The following HS2ST1 variants were observed in gnomAD, a reference collection of about 807,000 sequenced individuals.
HS2ST1 encodes the protein 2-O-sulfotransferase.
HS2ST1 carries 18 observed loss-of-function variants against 42.9 expected under a neutral mutation model. The observed-to-expected ratio is 0.42, with a 90% confidence interval of 0.29 to 0.62. The LOEUF is 0.62. HS2ST1 is among the 20% of genes least tolerant of loss of function. The pLI, the probability that HS2ST1 is intolerant of heterozygous loss-of-function variation, is 0.21. For missense variants in HS2ST1, 334 were observed against 433.8 expected, an observed-to-expected ratio of 0.77 and a Z score of 2.04; for synonymous variants, 146 against 152.9, an observed-to-expected ratio of 0.95 and a Z score of 0.33.
At chr1:87,097,217 C>T (rs1365018270) in intron 4 of HS2ST1, among the ~76,000 whole-genome samples, 1 of 152,156 alleles carries the variant, frequency 6.6e-6, no homozygotes, top group Non-Finnish European at 1.5e-5. Context: ...AATGCTACTT[C>T]AGGAAGTTTT....
At chr1:86,997,008 C>T (rs931314835) in intron 1 of HS2ST1, among the ~76,000 whole-genome samples, 3 of 152,078 alleles carry the variant, frequency 2.0e-5, no homozygotes, top group African/African-American at 7.2e-5. Flanking sequence ...GGAGAGCAGC[C>T]GGTGTAGGTT....
chr1:87,056,599 T>C (rs1001878764), intron 1 of HS2ST1, among the ~76,000 whole-genome samples: 1 of 152,206 alleles, frequency 6.6e-6, no homozygotes, highest in African/African-American at 2.4e-5. Flanking sequence ...TAGTTGCCAA[T>C]TATAAAATTC....
intron 1 of HS2ST1, among the ~76,000 whole-genome samples, chr1:86,921,755 C>T (rs1437117554): frequency 6.6e-6 from 1 of 152,150 alleles, no homozygotes; most frequent in Non-Finnish European, 1.5e-5. Context: ...TTTCTGTTTT[C>T]TATAAATTAC....
Position 87,090,402 on chromosome 1 carries a change from TGC to T in HS2ST1, c.450-2128_450-2127del, listed in dbSNP as rs574251625. ...AAAAAACTGTGAAAGAAAATTTTAC[TGC>T]ACTATTGGTACTATGCCTACCCTCA... On this transcript the variant is annotated intron_variant, in intron 3 of 6. Transcript: ENST00000370550. Among the ~76,000 whole-genome samples, 37 of 152,180 alleles carry T rather than the reference TGC, an allele frequency of 2.4e-4. No homozygotes were observed. In the East Asian group the frequency reaches 7.0e-3, roughly 29 times the overall value.
chr1:86,996,598 T>C (rs1045896176), intron 1 of HS2ST1, among the ~76,000 whole-genome samples: 1 of 152,148 alleles, frequency 6.6e-6, no homozygotes, highest in African/African-American at 2.4e-5. Context: ...ATGAGACATA[T>C]TATCCTAGAC....
At chr1:87,004,126 G>A (rs909028299) in intron 1 of HS2ST1, among the ~76,000 whole-genome samples, 3 of 152,096 alleles carry the variant, frequency 2.0e-5, no homozygotes, top group African/African-American at 7.2e-5. Context: ...CGTGGTGGCT[G>A]ACACCTGTAA....
intron 1 of HS2ST1, among the ~76,000 whole-genome samples, chr1:86,924,399 G>C (rs1301067188): frequency 6.6e-6 from 1 of 152,224 alleles, no homozygotes; most frequent in Admixed American, 6.5e-5. Context: ...TCTTCTCACA[G>C]CGCCACTAGG....
intron 5 of HS2ST1, among the ~76,000 whole-genome samples, chr1:87,101,149 G>GTGTGTGT (rs1557546421): frequency 1.2e-4 from 7 of 59,540 alleles, no homozygotes; most frequent in African/African-American, 3.9e-4. Flanking sequence ...GTGTGTGTGT[G>GTGTGTGT]TTTTTTGTTT....
chr1:86,995,198 A>G (rs1649062619), intron 1 of HS2ST1, among the ~76,000 whole-genome samples: 2 of 152,206 alleles, frequency 1.3e-5, no homozygotes, highest in African/African-American at 4.8e-5. Flanking sequence ...ACTTGATTTT[A>G]TAATTGACCT....
chr1:87,072,562 C>T (rs1345803662), intron 1 of HS2ST1, among the ~76,000 whole-genome samples: 1 of 152,162 alleles, frequency 6.6e-6, no homozygotes, highest in Non-Finnish European at 1.5e-5. Flanking sequence ...GACTTTTGAA[C>T]TGCACTGAAG....
chr1:86,931,333 A>G (rs1221303142), intron 1 of HS2ST1, among the ~76,000 whole-genome samples: 1 of 152,088 alleles, frequency 6.6e-6, no homozygotes, highest in Non-Finnish European at 1.5e-5. Flanking sequence ...GTCAAAGTAA[A>G]GTATTTGTAT....
rs959361134 is a variant in HS2ST1, at chr1:87,045,350, T to C, written c.125-27584T>C. 3.8e-6 allele frequency: 5 copies of C among 1,322,114 alleles called. No individual in the cohort carries two copies. The African/African-American group carries it at 4.3e-5, about 11-fold the overall frequency. The allele number at this position is 1,322,114 out of a possible 1,614,324, so 81.9% of individuals were successfully genotyped here. Reference sequence around the variant, plus strand: ...AAATTCTGACAACTTCTTGTGATTATTAGCTTCTGTCTCTCCCTTTTCAGA... The same window carrying C: ...AAATTCTGACAACTTCTTGTGATTACTAGCTTCTGTCTCTCCCTTTTCAGA... On this transcript the variant is annotated intron_variant, in intron 1 of 6. Transcript: ENST00000370550.
chr1:87,086,260 C>A (rs1651813551), intron 3 of HS2ST1, among the ~76,000 whole-genome samples: 1 of 152,170 alleles, frequency 6.6e-6, no homozygotes, highest in South Asian at 2.1e-4. Flanking sequence ...ACTCAAGTCC[C>A]TCCGTTGGCC....
chr1:87,011,116 A>T (rs935192485), intron 1 of HS2ST1, among the ~76,000 whole-genome samples: 1 of 151,740 alleles, frequency 6.6e-6, no homozygotes, highest in Non-Finnish European at 1.5e-5. Flanking sequence ...AAATATTCCT[A>T]TGAATGAGTA....
chr1:86,932,437 C>G (rs1279902130), intron 1 of HS2ST1: 2 of 152,060 alleles, frequency 1.3e-5, no homozygotes. Flanking sequence ...AATATACCCT[C>G]TTATTTTATA....
At chr1:87,061,490 TTATA>T (rs1009852175) in intron 1 of HS2ST1, among the ~76,000 whole-genome samples, 7 of 152,164 alleles carry the variant, frequency 4.6e-5, no homozygotes, top group Admixed American at 6.5e-5. Context: ...ATTAATCTAA[TTATA>T]TATGACCTTC....
At chr1:87,061,847 C>T (rs1289615122) in intron 1 of HS2ST1, among the ~76,000 whole-genome samples, 1 of 151,844 alleles carries the variant, frequency 6.6e-6, no homozygotes, top group East Asian at 1.9e-4. Context: ...ATGTTACATC[C>T]CCTCCAGCAA....
chr1:86,991,388 A>G (rs960522726), intron 1 of HS2ST1, among the ~76,000 whole-genome samples: 2 of 152,158 alleles, frequency 1.3e-5, no homozygotes, highest in African/African-American at 4.8e-5. Flanking sequence ...CGTACAGAAA[A>G]CAGAAGTGAG....
At chr1:86,988,084 T>C (rs559670815) in intron 1 of HS2ST1, among the ~76,000 whole-genome samples, 9 of 152,192 alleles carry the variant, frequency 5.9e-5, no homozygotes. Context: ...TGTGGGAAAA[T>C]GAAAGGGTTT....
Sources: gnomAD v4.1 joint callset for allele counts (sites outside exome capture counted in the v4.1 genomes callset) on GRCh38, gnomAD v4.1.1 for gene constraint, MANE v1.5 for transcripts, NCBI Gene and HGNC (gene_info 2026-07-23, HGNC 2026-07-21) for gene names.